The following FAM83H variants were observed in gnomAD, a reference collection of about 807,000 sequenced individuals.
FAM83H encodes the protein scaffolding CK1 anchoring protein H, also known as protein FAM83H.
FAM83H carries 24 observed loss-of-function variants against 30.2 expected under a neutral mutation model. The observed-to-expected ratio is 0.79, with a 90% CI of 0.57 to 1.12. FAM83H has a LOEUF of 1.12. Ranked by LOEUF, FAM83H falls within the 50% of genes most tolerant of loss-of-function variation. The pLI, the probability that FAM83H is intolerant of heterozygous loss-of-function variation, is 0.00. For missense variants in FAM83H, 2,038 were observed against 1,773.9 expected (o/e 1.15, Z -2.67); for synonymous variants, 1,013 against 821.7 (o/e 1.23, Z -3.98).
At position 143,727,852 on chromosome 8, in the gene FAM83H, T is replaced by A; in HGVS notation, c.1609A>T (p.Ser537Cys). Residue 537 changes from serine (S) to cysteine (C), a missense_variant, in exon 5 of 5, where the codon AGC (serine) becomes TGC (cysteine). Transcript: ENST00000388913. ...FAPGPRGLEP[S>C]GAPRPNLTQR... ...GTCAGGTTGGGGCGCGGGGCTCCGC[T>A]GGGCTCCAGGCCGCGGGGTCCGGGC... 1 of 1,329,844 alleles carries A rather than the reference T, an allele frequency of 7.5e-7. No homozygotes were observed. The highest frequency in any genetic ancestry group is 9.5e-7 in the Non-Finnish European group (1 of 1,048,364). 82.4% of individuals were successfully genotyped at this position (1,329,844 alleles called of 1,614,324 possible).
intron 1 of FAM83H, among the ~76,000 whole-genome samples, chr8:143,730,897 C>G (rs1421640191): frequency 6.6e-6 from 1 of 152,158 alleles, no homozygotes; most frequent in Non-Finnish European, 1.5e-5. Context: ...AGTTTGAAAC[C>G]AGCCTGGGCA....
intron 1 of FAM83H, chr8:143,731,636 T>A: frequency 1.0e-6 from 1 of 985,460 alleles, no homozygotes; most frequent in Non-Finnish European, 1.2e-6. Flanking sequence ...AAAACCTCCC[T>A]GGGCCACAGC....
intron 1 of FAM83H, chr8:143,732,186 T>C (rs1244236086): frequency 4.1e-6 from 4 of 985,354 alleles, no homozygotes; most frequent in Non-Finnish European, 4.8e-6. Context: ...GGGGGTGACA[T>C]GGAGTTGAGA....
chr8:143,727,293 C>G lies in FAM83H; in HGVS notation c.2168G>C (p.Gly723Ala). The G allele has an allele frequency of 2.6e-6, 4 of 1,537,728 alleles. No individual in the cohort carries two copies. The highest frequency in any genetic ancestry group is 3.5e-6 in the Non-Finnish European group (4 of 1,147,778). Residue 723 changes from glycine to alanine, a missense_variant, in exon 5 of 5, where the codon GGA becomes GCA. Coordinates refer to ENST00000388913, the MANE Select transcript of FAM83H (RefSeq NM_198488.5). Reference protein sequence around the residue: ...QTVSETLGPGGEAVRSAASTK... With the variant: ...QTVSETLGPGAEAVRSAASTK... ...GGAAGCCGCGGAGCGCACGGCCTCT[C>G]CGCCGGGCCCCAGCGTCTCGCTGAC...
At chr8:143,730,644 CACT>C in intron 1 of FAM83H, 47 bp from the exon 2 acceptor site, 1 of 1,305,340 alleles carries the variant, frequency 7.7e-7, no homozygotes, top group Non-Finnish European at 1.0e-6. Context: ...GCACTGGGAC[CACT>C]CCTACCCTCG....
At chr8:143,730,759 A>T (rs1295962771) in intron 1 of FAM83H, among the ~76,000 whole-genome samples, 162 bp from the exon 2 acceptor site, 2 of 152,194 alleles carry the variant, frequency 1.3e-5, no homozygotes, top group African/African-American at 4.8e-5. Context: ...CCAGGCTCAC[A>T]GAGAGCAACC....
rs1554621282 is a variant in FAM83H, at chr8:143,725,388, G to A, written c.*533C>T. ...AAGCGGGCTGATCATTTGAGGCCAG[G>A]AGTTGGAGACCAGCCTGGCCAACAT... On this transcript the variant is annotated 3_prime_UTR_variant, in exon 5 of 5. Coordinates refer to ENST00000388913, the MANE Select transcript of FAM83H (RefSeq NM_198488.5). The A allele has an allele frequency of 5.9e-6, 1 of 168,808 alleles. No homozygotes were observed. The highest frequency in any genetic ancestry group is 2.4e-5 in the African/African-American group (1 of 41,610). The allele number at this position is 168,808 out of a possible 1,614,324, so 10.5% of individuals were successfully genotyped here. A position where few individuals can be genotyped will look rare whatever the true frequency, so the allele number is the denominator to read the frequency against.
In FAM83H at chr8:143,729,320, C is replaced by T; in HGVS notation, c.451G>A (p.Val151Met). The change falls in exon 3 of 5, where the codon GTG (valine) becomes ATG (methionine). Residue 151 changes from valine (V) to methionine (M), a missense_variant. Physicochemically the swap from Val to Met is conservative, Grantham distance 21. Coordinates refer to ENST00000388913, the MANE Select transcript of FAM83H (RefSeq NM_198488.5). The part of the protein sequence containing the change: ...RRMIRSAQQV[V>M]AVVMDMFTDV... ...GTGAACATGTCCATCACCACGGCCA[C>T]CACCTGCAGGGGCGGGTCAGGACGG... The T allele has an allele frequency of 6.2e-7, 1 of 1,613,084 alleles. No individual in the cohort carries two copies. Among genetic ancestry groups the T allele is most frequent in the East Asian group, 2.2e-5 (1 of 44,872 alleles).
Position 143,730,854 on chromosome 8 carries a change from G to A in FAM83H, c.-15-257C>T, listed in dbSNP as rs538705097. 6.6e-5 allele frequency among the ~76,000 whole-genome samples: 10 copies of A among 152,310 alleles called. No individual in the cohort carries two copies. In the South Asian group the frequency reaches 1.9e-3, roughly 28 times the overall value. The stretch of plus-strand genomic sequence containing the variant: ...CCAGCCCTGTCTCTCCTTTCTCTGG[G>A]AGGCTGAGGCAGGAGGACTGCTTGA... On this transcript the variant is annotated intron_variant, in intron 1 of 4. Coordinates refer to ENST00000388913, the MANE Select transcript of FAM83H (RefSeq NM_198488.5).
chr8:143,730,209 A>C lies in FAM83H; in HGVS notation c.374T>G (p.Leu125Trp). The C allele has an allele frequency of 6.2e-7, 1 of 1,612,488 alleles. No homozygotes were observed. The highest frequency in any genetic ancestry group is 1.1e-5 in the South Asian group (1 of 91,040). The change falls in exon 2 of 5, where the codon TTG (leucine) becomes TGG (tryptophan). Residue 125 changes from leucine (L) to tryptophan (W), a missense_variant. By Grantham distance (61) the Leu-to-Trp change is moderately conservative. Transcript: ENST00000388913. ...FGFQGTEVTT[L>W]VQPPPPDSPS... Reference sequence around the variant, plus strand: ...GCTGTCGGGGGGCGGTGGCTGCACCAAGGTGGTCACCTCGGTGCCCTGGAA... The same window carrying C: ...GCTGTCGGGGGGCGGTGGCTGCACCCAGGTGGTCACCTCGGTGCCCTGGAA...
chr8:143,730,016 C>G (rs1422458454), intron 2 of FAM83H, 120 bp downstream of exon 2: 12 of 924,080 alleles, frequency 1.3e-5, no homozygotes, highest in South Asian at 1.9e-5. Context: ...TGCCAGGGAC[C>G]CCCACTCCAG....
chr8:143,729,361 G>A lies in FAM83H; in HGVS notation c.448-38C>T, dbSNP rs782545091. The A allele has an allele frequency of 1.7e-5, 27 of 1,609,516 alleles. No individual in the cohort carries two copies. The South Asian group carries it at 3.0e-4, about 18-fold the overall frequency. ...GTCAGGACGGAGAGGAGAGGCCCCT[G>A]CTGTCCCCACACCATTGTCCAGCCT... On this transcript the variant is annotated intron_variant, in intron 2 of 4. Transcript: ENST00000388913.
intron 2 of FAM83H, 66 bp downstream of exon 2, chr8:143,730,070 C>G: frequency 7.3e-7 from 1 of 1,368,640 alleles, no homozygotes; most frequent in South Asian, 1.5e-5. Flanking sequence ...GCTCATGCAT[C>G]TCCTCCACCC....
Position 143,727,775 on chromosome 8 carries a change from G to C in FAM83H, c.1686C>G (p.Pro562=). Residue 562 remains proline (P), a synonymous_variant, in exon 5 of 5, where the codon CCC becomes CCG. Transcript: ENST00000388913. ...CGCCCCTGCGCTCCGGCTCCGCCTCGGGAGCGGGGTCTGGGCCCGGCCTCG... is the reference window on the plus strand; with the variant it reads ...CGCCCCTGCGCTCCGGCTCCGCCTCCGGAGCGGGGTCTGGGCCCGGCCTCG... ...AAARPGPDPA[P]EAEPERRGGP... is the part of the protein sequence containing the mutation. The C allele has an allele frequency of 6.9e-7, 1 of 1,449,192 alleles. No homozygotes were observed. Among genetic ancestry groups the C allele is most frequent in the Non-Finnish European group, 9.0e-7 (1 of 1,109,128 alleles). 89.8% of individuals were successfully genotyped at this position (1,449,192 alleles called of 1,614,324 possible). A position where few individuals can be genotyped will look rare whatever the true frequency, so the allele number is the denominator to read the frequency against.
At position 143,727,516 on chromosome 8, in the gene FAM83H, C is replaced by T. The variant is rs1554622630; in HGVS notation, c.1945G>A (p.Gly649Ser). ...GGGCCCTCGCGCTCTGGGCCGTTGC[C>T]GCCGCTGCCCGGGCCTGGCACCGGG... ...KVPVPGPGSG[G>S]NGPEREGPEE... The change falls in exon 5 of 5, where the codon GGC (glycine) becomes AGC (serine). Residue 649 changes from glycine (G) to serine (S), a missense_variant. Physicochemically the swap from Gly to Ser is moderately conservative, Grantham distance 56 (BLOSUM62 0). Coordinates refer to ENST00000388913, the MANE Select transcript of FAM83H (RefSeq NM_198488.5). 4 of 1,575,948 alleles carry T rather than the reference C, an allele frequency of 2.5e-6. No individual in the cohort carries two copies. The highest frequency in any genetic ancestry group is 1.8e-5 in the Admixed American group (1 of 56,914).
chr8:143,729,182 G>A lies in FAM83H; in HGVS notation c.589C>T (p.Arg197Cys), dbSNP rs782737002. Residue 197 changes from arginine (R) to cysteine (C), a missense_variant, in exon 3 of 5, where the codon CGT (arginine) becomes TGT (cysteine). Physicochemically the swap from Arg to Cys is radical, Grantham distance 180. Transcript: ENST00000388913. ...QHFLDMADKCRVNLQHVDFLR... is the reference protein window; with the variant it reads ...QHFLDMADKCCVNLQHVDFLR... The stretch of plus-strand genomic sequence containing the variant: ...ACATCCACGTGCTGCAGGTTGACAC[G>A]GCACTTGTCGGCCATGTCCAGGAAG... 1.6e-5 allele frequency: 26 copies of A among 1,613,558 alleles called. No individual in the cohort carries two copies. The Middle Eastern group carries it at 4.9e-4, about 31-fold the overall frequency.
Position 143,728,598 on chromosome 8 carries a change from G to A in FAM83H, c.863C>T (p.Ala288Val), listed in dbSNP as rs1818399685. 1.9e-6 allele frequency: 3 copies of A among 1,608,356 alleles called. No individual in the cohort carries two copies. Among genetic ancestry groups the A allele is most frequent in the Admixed American group, 1.7e-5 (1 of 59,498 alleles). The change falls in exon 5 of 5, where the codon GCC (alanine) becomes GTC (valine). Residue 288 changes from alanine (A) to valine (V), a missense_variant. Transcript: ENST00000388913. The part of the protein sequence containing the change: ...FAQSEPLVPS[A>V]AALARMDAYA... ...GGCGTCCATGCGGGCCAGGGCCGCG[G>A]CCGAGGGCACAAGCGGCTCGGACTG...
At chr8:143,731,935 A>G (rs1208341306) in intron 1 of FAM83H, 1 of 985,358 alleles carries the variant, frequency 1.0e-6, no homozygotes, top group East Asian at 1.1e-4. Flanking sequence ...CTGGAAGGAG[A>G]GCCCTAGGGA....
In FAM83H at chr8:143,727,686, C is replaced by G; in HGVS notation, c.1775G>C (p.Gly592Ala). Reference protein sequence around the residue: ...RLASYLSGCHGEDGGDDGLPA... With the variant: ...RLASYLSGCHAEDGGDDGLPA... ...TAGGCCGTCGTCGCCCCCATCCTCG[C>G]CGTGGCAGCCGCTCAAGTAGGAGGC... is the stretch of plus-strand genomic sequence containing the variant. The change falls in exon 5 of 5, where the codon GGC (glycine) becomes GCC (alanine). Residue 592 changes from glycine (G) to alanine (A), a missense_variant. Transcript: ENST00000388913. 1.9e-6 allele frequency: 3 copies of G among 1,562,044 alleles called. No individual in the cohort carries two copies. Among genetic ancestry groups the G allele is most frequent in the Non-Finnish European group, 2.6e-6 (3 of 1,161,776 alleles).
Sources: gnomAD v4.1 joint callset for allele counts (sites outside exome capture counted in the v4.1 genomes callset) on GRCh38, gnomAD v4.1.1 for gene constraint, MANE v1.5 for transcripts, NCBI Gene and HGNC (gene_info 2026-07-23, HGNC 2026-07-21) for gene names.